Variants in NFATC2 observed in about 807,000 individuals in gnomAD.
NFATC2 encodes the protein nuclear factor of activated T cells 2.
Under a neutral mutation model 87.3 loss-of-function variants are expected in NFATC2, and 22 were observed. The observed-to-expected ratio is 0.25, with a 90% confidence interval of 0.18 to 0.36. The LOEUF (loss-of-function observed/expected upper bound fraction) is 0.36. NFATC2 is among the 10% of genes least tolerant of loss of function. The pLI, the probability that NFATC2 is intolerant of heterozygous loss-of-function variation, is 1.00. For synonymous variants in NFATC2, 565 were observed against 542.2 expected (o/e 1.04, Z -0.58); for missense variants, 1,149 against 1,259.1 (o/e 0.91, Z 1.32).
chr20:51,473,052 A>G (rs1388551521), intron 5 of NFATC2, among the ~76,000 whole-genome samples: 12 of 152,248 alleles, frequency 7.9e-5, no homozygotes, highest in Admixed American at 6.5e-4. Flanking sequence ...ACTTAGGTAT[A>G]AAGTACGTAA....
In NFATC2 at chr20:51,389,603, C is replaced by G. The variant is rs991109743; in HGVS notation, c.*1893G>C. The G allele has an allele frequency of 6.6e-6, 1 of 152,170 alleles. No individual in the cohort carries two copies. The highest frequency in any genetic ancestry group is 6.5e-5 in the Admixed American group (1 of 15,284). The allele number at this position is 152,170 out of a possible 1,614,324, so 9.4% of individuals were successfully genotyped here. On this transcript the variant is annotated 3_prime_UTR_variant, in exon 11 of 11. Coordinates refer to ENST00000371564, the MANE Select transcript of NFATC2 (RefSeq NM_012340.5). ...ATTTAAAAGAGAATTTTGCTAAACT[C>G]TTTGAGCTTAGGGTGGGTGAGGGAA...
chr20:51,479,471 T>C (rs1989038094), intron 3 of NFATC2, among the ~76,000 whole-genome samples: 1 of 151,968 alleles, frequency 6.6e-6, no homozygotes, highest in African/African-American at 2.4e-5. Flanking sequence ...ATGCAAAAAT[T>C]AGCCAGGCAT....
At chr20:51,468,801 TG>T (rs1987935679) in intron 5 of NFATC2, among the ~76,000 whole-genome samples, 1 of 152,172 alleles carries the variant, frequency 6.6e-6, no homozygotes, top group African/African-American at 2.4e-5. Context: ...CCGTACCGTG[TG>T]GGGTCAGGGA....
At chr20:51,531,209 G>T (rs1983632) in intron 1 of NFATC2, among the ~76,000 whole-genome samples, 2 of 152,116 alleles carry the variant, frequency 1.3e-5, no homozygotes, top group South Asian at 2.1e-4. Context: ...CCTGGCTTTA[G>T]AGCCCCAGCA....
Position 51,506,718 on chromosome 20 carries a change from G to A in NFATC2, c.1332+10066C>T, listed in dbSNP as rs182956434. Among the ~76,000 whole-genome samples the A allele has an allele frequency of 4.3e-3, 647 of 148,888 alleles. 5 individuals are homozygous for A. Among genetic ancestry groups the A allele is most frequent in the African/African-American group, 0.015 (613 of 39,996 alleles). On this transcript the variant is annotated intron_variant, in intron 3 of 10. Transcript: ENST00000371564. ...GGACACTCCTATGAACATCAGCCTCGGCCTGCGGACGGGTTGCAGCGAGAT... is the reference window on the plus strand; with the variant it reads ...GGACACTCCTATGAACATCAGCCTCAGCCTGCGGACGGGTTGCAGCGAGAT...
intron 1 of NFATC2, among the ~76,000 whole-genome samples, chr20:51,533,751 A>G (rs2076674334): frequency 6.6e-6 from 1 of 152,238 alleles, no homozygotes; most frequent in African/African-American, 2.4e-5. Context: ...TCCACAAGCA[A>G]TGAGGCTTGC....
intron 10 of NFATC2, among the ~76,000 whole-genome samples, chr20:51,393,942 CATGTTTCCCTCTTCTTGG>C (rs1478359030): frequency 3.9e-5 from 6 of 152,130 alleles, no homozygotes; most frequent in Admixed American, 3.9e-4. Flanking sequence ...CAGGCAGAAG[CATGTTTCCCTCTTCTTGG>C]ATGGAAATGG....
chr20:51,422,353 C>CG (rs1189811229), intron 9 of NFATC2, among the ~76,000 whole-genome samples: 1 of 152,170 alleles, frequency 6.6e-6, no homozygotes, highest in Non-Finnish European at 1.5e-5. Context: ...AGGACCAGAA[C>CG]GGACTCCTTC....
At chr20:51,405,800 C>T (rs1238869817) in intron 9 of NFATC2, among the ~76,000 whole-genome samples, 1 of 152,190 alleles carries the variant, frequency 6.6e-6, no homozygotes, top group Non-Finnish European at 1.5e-5. Context: ...ATTGATAGGA[C>T]TTGCCCAGAA....
rs186628506 is a variant in NFATC2 at position 51,481,471 on chromosome 20, C to T, written c.1333-5811G>A. The stretch of plus-strand genomic sequence containing the variant: ...TCACTGGCCTCCCGAGCAAAGGAAA[C>T]GCCACTTCCTGCAGCCAAGGTGAGA... On this transcript the variant is annotated intron_variant, in intron 3 of 10. Transcript: ENST00000371564. 1.0e-3 allele frequency among the ~76,000 whole-genome samples: 158 copies of T among 152,198 alleles called. 3 individuals carry two copies. The highest frequency in any genetic ancestry group is 3.2e-3 in the African/African-American group (132 of 41,530).
chr20:51,410,118 G>A (rs772377360), intron 9 of NFATC2, among the ~76,000 whole-genome samples: 4 of 148,942 alleles, frequency 2.7e-5, no homozygotes, highest in Non-Finnish European at 5.9e-5. Context: ...GCTGAGGCAG[G>A]AGAATGGCGT....
At chr20:51,413,065 G>T (rs137969195) in intron 9 of NFATC2, among the ~76,000 whole-genome samples, 1 of 148,174 alleles carries the variant, frequency 6.7e-6, no homozygotes, top group African/African-American at 2.5e-5. Flanking sequence ...GCCAGCTCCC[G>T]GGTTTCACAA....
chr20:51,473,462 C>T (rs373974071), intron 5 of NFATC2, among the ~76,000 whole-genome samples: 1 of 152,312 alleles, frequency 6.6e-6, no homozygotes, highest in East Asian at 1.9e-4. Flanking sequence ...TGTGACTCCA[C>T]CTTCTCATCT....
At position 51,435,220 on chromosome 20, in the gene NFATC2, C is replaced by T. The variant is rs752700803; in HGVS notation, c.2000G>A (p.Arg667Gln). The T allele has an allele frequency of 1.9e-6, 3 of 1,614,158 alleles. No individual in the cohort carries two copies. Among genetic ancestry groups the T allele is most frequent in the Non-Finnish European group, 2.5e-6 (3 of 1,180,032 alleles). The change falls in exon 8 of 11, where the codon CGA becomes CAA. Residue 667 changes from arginine to glutamine, a missense_variant. This residue lies in a region of NFATC2 where 581 missense variants were observed against 649.7 expected (regional missense o/e 0.89). Transcript: ENST00000371564. ...NFYVINGKRK[R>Q]SQPQHFTYHP... ...GTAGGTAAAGTGCTGAGGCTGACTTCGTTTTCTCTTCCCATTGATGACGTA... is the reference window on the plus strand; with the variant it reads ...GTAGGTAAAGTGCTGAGGCTGACTTTGTTTTCTCTTCCCATTGATGACGTA...
chr20:51,493,264 G>T (rs2075928800), intron 3 of NFATC2, among the ~76,000 whole-genome samples: 1 of 152,124 alleles, frequency 6.6e-6, no homozygotes, highest in Admixed American at 6.5e-5. Context: ...GAGTTGCCAG[G>T]ACCCAATGAA....
At chr20:51,499,416 C>A (rs1424781489) in intron 3 of NFATC2, among the ~76,000 whole-genome samples, 2 of 152,124 alleles carry the variant, frequency 1.3e-5, no homozygotes, top group Admixed American at 6.6e-5. Flanking sequence ...CATAAAAGAT[C>A]ACAAGGCAAA....
chr20:51,533,749 C>T (rs768743380), intron 1 of NFATC2, among the ~76,000 whole-genome samples: 6 of 152,356 alleles, frequency 3.9e-5, no homozygotes, highest in Non-Finnish European at 8.8e-5. Context: ...GATCCACAAG[C>T]AATGAGGCTT....
At chr20:51,485,421 C>G (rs1297398606) in intron 3 of NFATC2, among the ~76,000 whole-genome samples, 1 of 152,244 alleles carries the variant, frequency 6.6e-6, no homozygotes, top group Non-Finnish European at 1.5e-5. Context: ...CACGGGCTCC[C>G]TACCAACATT....
chr20:51,391,373 G>T lies in NFATC2; in HGVS notation c.*123C>A. On this transcript the variant is annotated 3_prime_UTR_variant, in exon 11 of 11. Transcript: ENST00000371564. ...GGCTCCGAGGGGTCAGATACAGAAG[G>T]TGTCTTGCTATAATGGCTTCTTTTA... 1 of 1,547,352 alleles carries T rather than the reference G, an allele frequency of 6.5e-7. No individual in the cohort carries two copies. The highest frequency in any genetic ancestry group is 8.8e-7 in the Non-Finnish European group (1 of 1,138,736).
Sources: gnomAD v4.1 joint callset for allele counts (sites outside exome capture counted in the v4.1 genomes callset) on GRCh38, gnomAD v4.1.1 for gene constraint, gnomAD v4.1.1 regional missense constraint, MANE v1.5 for transcripts, NCBI Gene and HGNC (gene_info 2026-07-23, HGNC 2026-07-21) for gene names.